ITGA9: variants seen among roughly 807,000 people sequenced by gnomAD.
ITGA9 encodes the protein integrin alpha-9.
In ITGA9, 56 loss-of-function variants were observed where a neutral mutation model predicts 127.8. The ratio of observed to expected loss-of-function variants is 0.44; its 90% CI spans 0.35 to 0.55. The LOEUF (loss-of-function observed/expected upper bound fraction) is 0.55, where lower values mean the gene tolerates loss of function less well. ITGA9 is among the 20% of genes least tolerant of loss of function. The pLI is 0.00. For synonymous variants in ITGA9, 508 were observed against 514.5 expected, an observed-to-expected ratio of 0.99 and a Z score of 0.17; for missense variants, 1,196 against 1,347.1, an observed-to-expected ratio of 0.89 and a Z score of 1.76.
At chr3:37,678,081 C>T (rs941072829) in intron 17 of ITGA9, among the ~76,000 whole-genome samples, 2 of 152,192 alleles carry the variant, frequency 1.3e-5, no homozygotes, top group African/African-American at 4.8e-5. Flanking sequence ...TGTCCATGGA[C>T]ACTTTGGGTT....
chr3:37,562,755 T>C lies in ITGA9; in HGVS notation c.1689+20170T>C, dbSNP rs564068595. Among the ~76,000 whole-genome samples, 254 of 152,322 alleles carry C rather than the reference T, an allele frequency of 1.7e-3. 1 individual carries two copies. The highest frequency in any genetic ancestry group is 5.8e-3 in the African/African-American group (243 of 41,590). On this transcript the variant is annotated intron_variant, in intron 15 of 27. Transcript: ENST00000264741. ...TCTGACATTTGTTCCTCTTTCATCC[T>C]ATACTTCCCTGGGCATGATACCCTT... is the stretch of plus-strand genomic sequence containing the variant.
chr3:37,621,617 C>T (rs1452829294), intron 15 of ITGA9, among the ~76,000 whole-genome samples: 1 of 152,184 alleles, frequency 6.6e-6, no homozygotes, highest in East Asian at 1.9e-4. Flanking sequence ...TCCCAAATAT[C>T]CAGCTACATA....
intron 15 of ITGA9, among the ~76,000 whole-genome samples, chr3:37,600,423 A>G (rs1225463397): frequency 1.3e-5 from 2 of 152,094 alleles, no homozygotes; most frequent in Non-Finnish European, 2.9e-5. Context: ...TTCCTGTGCT[A>G]CACTCGAGCC....
chr3:37,547,562 T>TAA (rs1291456589), intron 15 of ITGA9, among the ~76,000 whole-genome samples: 1 of 152,210 alleles, frequency 6.6e-6, no homozygotes, highest in African/African-American at 2.4e-5. Flanking sequence ...TTTTTTTTCT[T>TAA]GTTTAAGAAA....
chr3:37,699,724 C>T (rs190634710), intron 18 of ITGA9, among the ~76,000 whole-genome samples: 10 of 152,326 alleles, frequency 6.6e-5, no homozygotes, highest in Non-Finnish European at 1.0e-4. Flanking sequence ...GTTGCTGCCT[C>T]TCTGAACATG....
intron 1 of ITGA9, among the ~76,000 whole-genome samples, chr3:37,453,103 C>A (rs1477002268): frequency 2.3e-5 from 2 of 88,454 alleles, no homozygotes; most frequent in African/African-American, 9.1e-5. Flanking sequence ...CACTGGAGCC[C>A]AGAGCCCCGG....
chr3:37,772,791 A>C (rs1696859948), intron 23 of ITGA9, among the ~76,000 whole-genome samples: 1 of 152,144 alleles, frequency 6.6e-6, no homozygotes, highest in African/African-American at 2.4e-5. Context: ...CCATGTAACC[A>C]CAGTCGGGAG....
At chr3:37,812,941 A>G (rs1697385826) in intron 27 of ITGA9, among the ~76,000 whole-genome samples, 6 of 152,272 alleles carry the variant, frequency 3.9e-5, no homozygotes, top group Admixed American at 3.9e-4. Context: ...TCAGCTGGCA[A>G]CAAAAACAGA....
intron 16 of ITGA9, among the ~76,000 whole-genome samples, chr3:37,640,158 CA>C (rs1410835167): frequency 6.6e-6 from 1 of 152,130 alleles, no homozygotes; most frequent in Non-Finnish European, 1.5e-5. Flanking sequence ...CGTTACATGG[CA>C]AAAGGGACTT....
At chr3:37,804,442 A>C (rs1458051118) in intron 27 of ITGA9, among the ~76,000 whole-genome samples, 1 of 152,208 alleles carries the variant, frequency 6.6e-6, no homozygotes, top group Non-Finnish European at 1.5e-5. Context: ...GAGGTGGCCC[A>C]GGGTGCAGAC....
At chr3:37,572,822 T>G (rs749584377) in intron 15 of ITGA9, among the ~76,000 whole-genome samples, 1 of 152,238 alleles carries the variant, frequency 6.6e-6, no homozygotes, top group Non-Finnish European at 1.5e-5. Flanking sequence ...TAAGCCTCGT[T>G]TAATTTTTTA....
intron 25 of ITGA9, among the ~76,000 whole-genome samples, chr3:37,781,350 G>A (rs1286190320): frequency 6.6e-6 from 1 of 152,192 alleles, no homozygotes; most frequent in Non-Finnish European, 1.5e-5. Context: ...ATTGTATTGT[G>A]AAAGCAGCCA....
At chr3:37,598,838 A>T (rs1348841309) in intron 15 of ITGA9, among the ~76,000 whole-genome samples, 3 of 152,168 alleles carry the variant, frequency 2.0e-5, no homozygotes, top group Non-Finnish European at 4.4e-5. Context: ...CCCCACTTGA[A>T]CCTAAGGCTG....
At chr3:37,652,540 A>G (rs1700439691) in intron 16 of ITGA9, among the ~76,000 whole-genome samples, 1 of 152,060 alleles carries the variant, frequency 6.6e-6, no homozygotes, top group Non-Finnish European at 1.5e-5. Context: ...GGGGAATATG[A>G]ATTTTCATAG....
intron 20 of ITGA9, among the ~76,000 whole-genome samples, chr3:37,741,459 T>C (rs1696434500): frequency 6.6e-6 from 1 of 152,150 alleles, no homozygotes; most frequent in Non-Finnish European, 1.5e-5. Context: ...TTTCCTTTGC[T>C]CTCTCCCTTC....
intron 15 of ITGA9, among the ~76,000 whole-genome samples, chr3:37,620,453 T>C (rs910453365): frequency 2.0e-5 from 3 of 151,940 alleles, no homozygotes; most frequent in Non-Finnish European, 4.4e-5. Context: ...TTTTTTAGAG[T>C]GTCAGGAGCT....
At chr3:37,477,041 G>A (rs922782664) in intron 3 of ITGA9, among the ~76,000 whole-genome samples, 1 of 152,144 alleles carries the variant, frequency 6.6e-6, no homozygotes, top group Non-Finnish European at 1.5e-5. Flanking sequence ...GGAAATGGCA[G>A]GCAAAAACAA....
At chr3:37,506,119 A>G (rs1462006569) in intron 7 of ITGA9, 34 bp downstream of exon 7, 1 of 1,455,662 alleles carries the variant, frequency 6.9e-7, no homozygotes, top group Non-Finnish European at 9.5e-7. Flanking sequence ...AGCTGGGGTC[A>G]GACAGAAGAG....
chr3:37,601,194 TC>T (rs1208786934), intron 15 of ITGA9, among the ~76,000 whole-genome samples: 1 of 152,180 alleles, frequency 6.6e-6, no homozygotes, highest in Non-Finnish European at 1.5e-5. Flanking sequence ...GAACAGTGGT[TC>T]CTTTCTTTCT....
Sources: allele counts gnomAD v4.1 joint callset (sites outside exome capture counted in the v4.1 genomes callset), GRCh38; gene constraint gnomAD v4.1.1; transcripts MANE v1.5; gene names NCBI Gene and HGNC (gene_info 2026-07-23, HGNC 2026-07-21).